BCR: variants seen among roughly 807,000 people sequenced by gnomAD.
BCR encodes breakpoint cluster region protein.
Under a neutral mutation model 138.6 loss-of-function variants are expected in BCR, and 58 were observed. The observed-to-expected ratio is 0.42, with a 90% CI of 0.34 to 0.52. The LOEUF is 0.52. Among genes scored for constraint, BCR ranks in the 20% least tolerant of loss-of-function variants. The pLI, the probability that BCR is intolerant of heterozygous loss-of-function variation, is 0.06. For missense variants in BCR, 1,599 were observed against 1,727.2 expected (o/e 0.93, Z 1.32); for synonymous variants, 786 against 730.1 (o/e 1.08, Z -1.23).
At chr22:23,218,798 G>C (rs1787857993) in intron 1 of BCR, among the ~76,000 whole-genome samples, 1 of 152,256 alleles carries the variant, frequency 6.6e-6, no homozygotes. Flanking sequence ...GGGGACTCCT[G>C]TAAAGGGCTG....
chr22:23,186,022 G>T (rs573728119), intron 1 of BCR, among the ~76,000 whole-genome samples: 1 of 151,964 alleles, frequency 6.6e-6, no homozygotes, highest in Admixed American at 6.5e-5. Context: ...AGCCACCCGC[G>T]CAAGGCGGAT....
chr22:23,315,618 G>A lies in BCR; in HGVS notation c.*96G>A. 8.6e-7 allele frequency: 1 copy of A among 1,166,966 alleles called. No homozygotes were observed. The highest frequency in any genetic ancestry group is 1.3e-6 in the Non-Finnish European group (1 of 789,274). 72.3% of individuals were successfully genotyped at this position (1,166,966 alleles called of 1,614,324 possible). Reference sequence around the variant, plus strand: ...GCGGGAACCTTCCTGAGGTGTCCTTGGGCCACCCCCAAGTGTTGGGCCATC... The same window carrying A: ...GCGGGAACCTTCCTGAGGTGTCCTTAGGCCACCCCCAAGTGTTGGGCCATC... On this transcript the variant is annotated 3_prime_UTR_variant, in exon 23 of 23. Coordinates refer to ENST00000305877, the MANE Select transcript of BCR (RefSeq NM_004327.4).
intron 4 of BCR, chr22:23,264,134 C>T (rs2073407745): frequency 1.3e-6 from 2 of 1,520,668 alleles, no homozygotes; most frequent in Non-Finnish European, 1.8e-6. Flanking sequence ...CCCACAACAG[C>T]ACCCTGTACT....
At chr22:23,249,230 C>A (rs1260944777) in intron 1 of BCR, among the ~76,000 whole-genome samples, 4 of 151,920 alleles carry the variant, frequency 2.6e-5, no homozygotes, top group Non-Finnish European at 5.9e-5. Context: ...GAGATGGAGA[C>A]CATCCTGGCT....
chr22:23,220,792 AT>A (rs1445167237), intron 1 of BCR, among the ~76,000 whole-genome samples: 1 of 152,038 alleles, frequency 6.6e-6, no homozygotes, highest in East Asian at 1.9e-4. Flanking sequence ...GCTTCCTGGA[AT>A]TGTTGATGCA....
At chr22:23,307,776 T>G (rs1415595693) in intron 16 of BCR, 1 of 143,430 alleles carries the variant, frequency 7.0e-6, no homozygotes, top group African/African-American at 2.8e-5. Flanking sequence ...TGAGAAGGGG[T>G]CAACCCCCAG....
chr22:23,212,630 CAG>C (rs928811506), intron 1 of BCR, among the ~76,000 whole-genome samples: 6 of 152,204 alleles, frequency 3.9e-5, no homozygotes, highest in Non-Finnish European at 7.3e-5. Context: ...TCTGGGGACA[CAG>C]GGGCCTTTTG....
intron 5 of BCR, 36 bp from the exon 6 acceptor site, chr22:23,271,496 T>A: frequency 6.2e-7 from 1 of 1,608,636 alleles, no homozygotes; most frequent in South Asian, 1.1e-5. Context: ...AAGCTGCTTC[T>A]GTCATCTGTG....
rs965750816 is a variant in BCR at position 23,314,667 on chromosome 22, C to A, written c.3679C>A (p.Gln1227Lys). The A allele has an allele frequency of 1.9e-6, 3 of 1,611,894 alleles. No individual in the cohort carries two copies. Among genetic ancestry groups the A allele is most frequent in the Admixed American group, 3.3e-5 (2 of 60,002 alleles). ...KESKLPANPS[Q>K]PITMTDSWSL... ...GAGCAAGCTCCCTGCCAACCCCAGC[C>A]AGCCTATCACCATGACTGACAGCTG... Residue 1227 changes from glutamine (Q) to lysine (K), a missense_variant, in exon 22 of 23, where the codon CAG becomes AAG. Gln to Lys is a moderately conservative substitution (Grantham distance 53). Transcript: ENST00000305877.
chr22:23,241,734 A>G lies in BCR; in HGVS notation c.1280-12065A>G, dbSNP rs113994464. Among the ~76,000 whole-genome samples, 511 of 151,966 alleles carry G rather than the reference A, an allele frequency of 3.4e-3. 4 individuals carry two copies. Among genetic ancestry groups the G allele is most frequent in the African/African-American group, 0.012 (477 of 41,428 alleles). On this transcript the variant is annotated intron_variant, in intron 1 of 22. Transcript: ENST00000305877. ...CCCCTGCCTGCGTTTTTCTACCAACACCAGGCCTACCTGGAGTGACCATCG... is the reference window on the plus strand; with the variant it reads ...CCCCTGCCTGCGTTTTTCTACCAACGCCAGGCCTACCTGGAGTGACCATCG...
intron 1 of BCR, among the ~76,000 whole-genome samples, chr22:23,234,774 C>T (rs937453237): frequency 6.6e-5 from 8 of 121,542 alleles, no homozygotes; most frequent in African/African-American, 1.8e-4. Flanking sequence ...CCAGACTCCC[C>T]AGTCGTGGGC....
At chr22:23,314,752 C>G (rs1019152359) in intron 22 of BCR, 38 bp downstream of exon 22, 1 of 1,610,988 alleles carries the variant, frequency 6.2e-7, no homozygotes, top group Non-Finnish European at 8.5e-7. Flanking sequence ...CAACCCTGAC[C>G]TGACAGAGGT....
intron 16 of BCR, among the ~76,000 whole-genome samples, chr22:23,301,840 A>G (rs558985914): frequency 3.3e-5 from 5 of 152,350 alleles, no homozygotes; most frequent in Admixed American, 3.3e-4. Flanking sequence ...AGGATGGACC[A>G]GGATGGCCTC....
intron 1 of BCR, among the ~76,000 whole-genome samples, chr22:23,187,319 G>C (rs1346297507): frequency 2.1e-5 from 3 of 144,742 alleles, no homozygotes; most frequent in Non-Finnish European, 4.5e-5. Context: ...GGTTGGCTAG[G>C]CAGTTTTCCT....
intron 1 of BCR, among the ~76,000 whole-genome samples, chr22:23,209,487 G>T (rs1000138036): frequency 3.3e-5 from 5 of 152,262 alleles, no homozygotes; most frequent in African/African-American, 1.2e-4. Flanking sequence ...TGTGAATAAT[G>T]TTGGCAGGAA....
intron 8 of BCR, chr22:23,283,143 G>A (rs9624074): frequency 6.6e-6 from 1 of 152,134 alleles, no homozygotes; most frequent in Non-Finnish European, 1.5e-5. Context: ...GTACCAGGCA[G>A]GGGTGACTTA....
At chr22:23,296,806 C>T (rs1302329377) in intron 16 of BCR, among the ~76,000 whole-genome samples, 2 of 152,222 alleles carry the variant, frequency 1.3e-5, no homozygotes, top group East Asian at 3.9e-4. Flanking sequence ...TTGCTCTCAG[C>T]TCTCCTGTCG....
intron 16 of BCR, among the ~76,000 whole-genome samples, chr22:23,301,314 G>T (rs925228991): frequency 1.3e-5 from 2 of 152,180 alleles, no homozygotes; most frequent in African/African-American, 4.8e-5. Context: ...AAAAAAGACA[G>T]AAAAAACCTG....
chr22:23,264,593 G>A, intron 4 of BCR: 1 of 382,174 alleles, frequency 2.6e-6, no homozygotes, highest in Non-Finnish European at 4.8e-6. Context: ...TGCTTTAGAG[G>A]AGTGCAGCTG....
Sources: allele counts gnomAD v4.1 joint callset (sites outside exome capture counted in the v4.1 genomes callset), GRCh38; gene constraint gnomAD v4.1.1; transcripts MANE v1.5; gene names NCBI Gene and HGNC (gene_info 2026-07-23, HGNC 2026-07-21).